Variants in ILRUN observed in about 807,000 individuals in gnomAD.
The protein encoded by ILRUN is inflammation and lipid regulator with UBA-like and NBR1-like domains.
In ILRUN, 3 loss-of-function variants were observed where a neutral mutation model predicts 33.8. The observed-to-expected ratio is 0.09, with a 90% confidence interval of 0.04 to 0.23. ILRUN has a LOEUF of 0.23. Among genes scored for constraint, ILRUN ranks in the 10% least tolerant of loss-of-function variants. The pLI is 1.00. For missense variants in ILRUN, 210 were observed against 375.1 expected (o/e 0.56, Z 3.64); for synonymous variants, 124 against 138.9 (o/e 0.89, Z 0.75).
chr6:34,659,468 T>A (rs1219602532), intron 1 of ILRUN, among the ~76,000 whole-genome samples: 1 of 152,090 alleles, frequency 6.6e-6, no homozygotes, highest in African/African-American at 2.4e-5. Context: ...ACTCTGAACA[T>A]CTGATTTTCT....
Position 34,592,692 on chromosome 6 carries a change from GT to G in ILRUN, c.862-2093del, listed in dbSNP as rs1446907035. ...ATTACTTTTAATGGCAAAAAATGCA[GT>G]TAACTTTTACACCAACCTAATAGAA... On this transcript the variant is annotated intron_variant, in intron 4 of 4. Transcript: ENST00000374023. The surrounding 1 kb of genome is among the most constrained non-coding windows in gnomAD (Gnocchi z 4.0). Among the ~76,000 whole-genome samples the G allele has an allele frequency of 4.6e-5, 7 of 152,108 alleles. No individual in the cohort carries two copies.
chr6:34,693,980 G>T (rs1018451082), intron 1 of ILRUN, among the ~76,000 whole-genome samples: 1 of 151,792 alleles, frequency 6.6e-6, no homozygotes, highest in Non-Finnish European at 1.5e-5. Flanking sequence ...CATTAAGCCC[G>T]ACTCATTTCG....
intron 3 of ILRUN, among the ~76,000 whole-genome samples, chr6:34,642,066 A>C (rs1290604708): frequency 1.3e-5 from 2 of 152,236 alleles, no homozygotes; most frequent in African/African-American, 4.8e-5. Flanking sequence ...AAGGGCAAAC[A>C]TCCAATTCAT....
At chr6:34,605,318 C>CAAAAAAAAAA (rs78612898) in intron 4 of ILRUN, among the ~76,000 whole-genome samples, 21 of 74,144 alleles carry the variant, frequency 2.8e-4, no homozygotes, top group East Asian at 9.2e-4. Context: ...AAAACAAAAA[C>CAAAAAAAAAA]AAAAAAAAAA....
intron 1 of ILRUN, among the ~76,000 whole-genome samples, chr6:34,682,101 C>T (rs1445481800): frequency 6.7e-6 from 1 of 148,934 alleles, no homozygotes; most frequent in Non-Finnish European, 1.5e-5. Context: ...TCTCGAACTC[C>T]TGACTTCATG....
chr6:34,654,837 G>A (rs2127365903), intron 1 of ILRUN, 58 bp from the exon 2 acceptor site: 1 of 1,474,030 alleles, frequency 6.8e-7, no homozygotes, highest in Non-Finnish European at 9.1e-7. Flanking sequence ...TATCCTAATT[G>A]TTAAACAAAA....
At chr6:34,682,674 A>G (rs1304800087) in intron 1 of ILRUN, among the ~76,000 whole-genome samples, 1 of 151,736 alleles carries the variant, frequency 6.6e-6, no homozygotes, top group Admixed American at 6.6e-5. Context: ...GGGTCTCCCT[A>G]TGTGGCCTAG....
intron 1 of ILRUN, among the ~76,000 whole-genome samples, chr6:34,659,556 T>C (rs558011463): frequency 6.6e-6 from 1 of 152,182 alleles, no homozygotes; most frequent in African/African-American, 2.4e-5. Flanking sequence ...AGAATTGATC[T>C]TGCATATATT....
At chr6:34,678,836 C>CAAAAAAAAA (rs767799882) in intron 1 of ILRUN, among the ~76,000 whole-genome samples, 14 of 47,828 alleles carry the variant, frequency 2.9e-4, no homozygotes, top group Admixed American at 7.2e-4. Context: ...GACTCCGTCT[C>CAAAAAAAAA]AAAAAAAAAA....
intron 3 of ILRUN, among the ~76,000 whole-genome samples, chr6:34,619,985 C>CAAAAAAAA (rs1216649224): frequency 1.3e-5 from 1 of 75,922 alleles, no homozygotes; most frequent in African/African-American, 4.5e-5. Context: ...ACTCTGTCTC[C>CAAAAAAAA]AAAAAAAAAA....
intron 3 of ILRUN, among the ~76,000 whole-genome samples, chr6:34,626,632 C>A (rs1440409173): frequency 6.6e-6 from 1 of 152,194 alleles, no homozygotes; most frequent in Non-Finnish European, 1.5e-5. Flanking sequence ...CACCAAAAGT[C>A]AATAGTTTAT....
chr6:34,654,812 G>C, intron 1 of ILRUN, 33 bp from the exon 2 acceptor site: 1 of 1,597,264 alleles, frequency 6.3e-7, no homozygotes, highest in Non-Finnish European at 8.5e-7. Context: ...ACAGACTTCA[G>C]TACTGTCCAG....
In ILRUN at chr6:34,590,615, A is replaced by G. The variant is rs761008051; in HGVS notation, c.862-15T>C. ...CCATGGAGCCCCTGGAAGAGAGTGA[A>G]GATAGTCAGTGATGGTACACATAGC... is the stretch of plus-strand genomic sequence containing the variant. On this transcript the variant is annotated splice_polypyrimidine_tract_variant and intron_variant, in intron 4 of 4. Transcript: ENST00000374023. 1 of 1,571,046 alleles carries G rather than the reference A, an allele frequency of 6.4e-7. No individual in the cohort carries two copies. Among genetic ancestry groups the G allele is most frequent in the Admixed American group, 1.7e-5 (1 of 59,932 alleles).
intron 3 of ILRUN, among the ~76,000 whole-genome samples, chr6:34,619,766 C>T (rs551821688): frequency 1.3e-5 from 2 of 152,176 alleles, no homozygotes; most frequent in African/African-American, 4.8e-5. Flanking sequence ...GGGTGGATCA[C>T]CTGAGGTCAG....
At chr6:34,682,706 TCA>T (rs984347599) in intron 1 of ILRUN, among the ~76,000 whole-genome samples, 63 of 151,392 alleles carry the variant, frequency 4.2e-4, no homozygotes, top group African/African-American at 1.5e-3. Context: ...ACTCCTAGAC[TCA>T]CACAATTTGC....
At chr6:34,603,508 G>A (rs371406161) in intron 4 of ILRUN, among the ~76,000 whole-genome samples, 3 of 151,904 alleles carry the variant, frequency 2.0e-5, no homozygotes, top group Non-Finnish European at 4.4e-5. Context: ...AGTGGCGGGC[G>A]CCTGTGGTCC....
At chr6:34,626,912 G>A (rs939258733) in intron 3 of ILRUN, among the ~76,000 whole-genome samples, 1 of 152,032 alleles carries the variant, frequency 6.6e-6, no homozygotes, top group Non-Finnish European at 1.5e-5. Flanking sequence ...GGCTGAGAAA[G>A]GGGAATTGCT....
At chr6:34,687,657 C>T (rs184096784) in intron 1 of ILRUN, among the ~76,000 whole-genome samples, 1 of 145,658 alleles carries the variant, frequency 6.9e-6, no homozygotes, top group Admixed American at 6.8e-5. Context: ...GAGATTGCAC[C>T]ACTGCACTCC....
intron 3 of ILRUN, among the ~76,000 whole-genome samples, chr6:34,632,553 A>ATTTTT (rs1219435236): frequency 2.2e-5 from 3 of 136,754 alleles, no homozygotes; most frequent in Non-Finnish European, 3.1e-5. Flanking sequence ...AGAGCAAATA[A>ATTTTT]TTTTTTTTTT....
Sources: allele counts gnomAD v4.1 joint callset (sites outside exome capture counted in the v4.1 genomes callset), GRCh38; gene constraint gnomAD v4.1.1; non-coding constraint Gnocchi (gnomAD v3.1); transcripts MANE v1.5; gene names NCBI Gene and HGNC (gene_info 2026-07-23, HGNC 2026-07-21).